Variants in ATP6V0D2 observed in about 807,000 individuals in gnomAD.
ATP6V0D2 encodes ATPase H+ transporting V0 subunit d2, also known as V-type proton ATPase subunit d 2.
A neutral mutation model predicts 40.0 loss-of-function variants in ATP6V0D2; 40 were observed. The ratio of observed to expected loss-of-function variants is 1.00; its 90% confidence interval spans 0.78 to 1.30. The LOEUF (loss-of-function observed/expected upper bound fraction) is 1.30. Ranked by LOEUF, ATP6V0D2 falls within the 50% of genes most tolerant of loss-of-function variation. ATP6V0D2 has a pLI of 0.00. For missense variants in ATP6V0D2, 470 were observed against 423.1 expected (o/e 1.11, Z -0.97); for synonymous variants, 179 against 156.3 (o/e 1.15, Z -1.08).
chr8:86,134,119 A>C (rs1818864888), intron 2 of ATP6V0D2, among the ~76,000 whole-genome samples: 1 of 152,184 alleles, frequency 6.6e-6, no homozygotes, highest in South Asian at 2.1e-4. Context: ...GAACCATAGC[A>C]GATTTCTCAT....
At chr8:86,143,238 T>TA (rs1241728116) in intron 5 of ATP6V0D2, among the ~76,000 whole-genome samples, 1 of 152,172 alleles carries the variant, frequency 6.6e-6, no homozygotes, top group African/African-American at 2.4e-5. Flanking sequence ...ATGTAGTATG[T>TA]AAAAAATAGA....
At chr8:86,143,072 A>G (rs997860324) in intron 5 of ATP6V0D2, 118 bp downstream of exon 5, 27 of 629,080 alleles carry the variant, frequency 4.3e-5, no homozygotes, top group Non-Finnish European at 6.8e-5. Context: ...AAGTAAGACA[A>G]GCAGTACATT....
chr8:86,148,046 CCTGGACTCTG>C (rs1461496380), intron 5 of ATP6V0D2, among the ~76,000 whole-genome samples: 1 of 152,220 alleles, frequency 6.6e-6, no homozygotes, highest in African/African-American at 2.4e-5. Context: ...CCTCTTCTGG[CCTGGACTCTG>C]CTGTTTGCCA....
intron 2 of ATP6V0D2, among the ~76,000 whole-genome samples, chr8:86,130,959 C>T (rs1275589132): frequency 1.3e-5 from 2 of 151,982 alleles, no homozygotes. Context: ...GAAATCTTAA[C>T]TCTCCCCTTC....
intron 2 of ATP6V0D2, among the ~76,000 whole-genome samples, chr8:86,122,945 A>G (rs1246184798): frequency 1.4e-4 from 21 of 152,172 alleles, no homozygotes; most frequent in Admixed American, 1.0e-3. Context: ...TAAGTCTCTA[A>G]ATAAAAGTCA....
intron 7 of ATP6V0D2, among the ~76,000 whole-genome samples, chr8:86,151,755 C>CTTTT (rs564476016): frequency 2.5e-4 from 21 of 85,490 alleles, no homozygotes; most frequent in South Asian, 4.5e-4. Context: ...GCTTTTCTTT[C>CTTTT]TTTTTTTTTT....
At chr8:86,150,400 T>G in intron 6 of ATP6V0D2, 112 bp downstream of exon 6, 1 of 1,105,640 alleles carries the variant, frequency 9.0e-7, no homozygotes, top group South Asian at 1.6e-5. Context: ...ATAATATTTG[T>G]AAGGTAGCAA....
At chr8:86,146,089 C>G (rs1416423001) in intron 5 of ATP6V0D2, among the ~76,000 whole-genome samples, 3 of 152,162 alleles carry the variant, frequency 2.0e-5, no homozygotes, top group Non-Finnish European at 4.4e-5. Context: ...TGCCATAGTG[C>G]CTCTGCATTA....
At chr8:86,121,713 A>G (rs1433496571) in intron 2 of ATP6V0D2, among the ~76,000 whole-genome samples, 4 of 150,758 alleles carry the variant, frequency 2.7e-5, no homozygotes, top group Non-Finnish European at 5.9e-5. Flanking sequence ...TTCTGAAACC[A>G]TTTCTCTTAT....
chr8:86,129,339 T>G (rs1818786740), intron 2 of ATP6V0D2, among the ~76,000 whole-genome samples: 1 of 152,210 alleles, frequency 6.6e-6, no homozygotes. Flanking sequence ...GTGAAGACAG[T>G]AATTGTCTAC....
At position 86,153,105 on chromosome 8, in the gene ATP6V0D2, C is replaced by A; in HGVS notation, c.*128C>A. The A allele has an allele frequency of 1.3e-6, 1 of 742,956 alleles. No individual in the cohort carries two copies. Among genetic ancestry groups the A allele is most frequent in the Non-Finnish European group, 2.0e-6 (1 of 503,242 alleles). The allele number at this position is 742,956 out of a possible 1,614,324, so 46.0% of individuals were successfully genotyped here. On this transcript the variant is annotated 3_prime_UTR_variant, in exon 8 of 8. Transcript: ENST00000285393. ...AGCCACACTATATCTTCATGAGTTG[C>A]AAATCCATGGAAACACAGTAAACCA...
chr8:86,117,794 C>T (rs16886358), intron 2 of ATP6V0D2, among the ~76,000 whole-genome samples: 2,040 of 152,230 alleles, frequency 0.013, 59 homozygotes, highest in African/African-American at 0.045. Context: ...GCCTTAGCAT[C>T]CGGGTCTGAA....
intron 2 of ATP6V0D2, among the ~76,000 whole-genome samples, chr8:86,128,321 C>T (rs1399569294): frequency 1.3e-5 from 2 of 152,134 alleles, no homozygotes; most frequent in African/African-American, 2.4e-5. Flanking sequence ...TGCACTCCGG[C>T]CTGGGCAACA....
In ATP6V0D2 at chr8:86,113,953, G is replaced by T. The variant is rs563935605; in HGVS notation, c.302+73G>T. ...ATGACCCCTAACAATTACAGGGTGG[G>T]TATCAAGCCAGAGTGAGACTTAAGA... On this transcript the variant is annotated intron_variant, in intron 2 of 7. Transcript: ENST00000285393. 1.4e-5 allele frequency: 20 copies of T among 1,389,074 alleles called. No individual in the cohort carries two copies. In the African/African-American group the frequency reaches 2.2e-4, roughly 15 times the overall value. 86.0% of individuals were successfully genotyped at this position (1,389,074 alleles called of 1,614,324 possible). A position where few individuals can be genotyped will look rare whatever the true frequency, so the allele number is the denominator to read the frequency against.
At chr8:86,144,373 T>A (rs1819018440) in intron 5 of ATP6V0D2, among the ~76,000 whole-genome samples, 1 of 152,218 alleles carries the variant, frequency 6.6e-6, no homozygotes, top group African/African-American at 2.4e-5. Flanking sequence ...AAATTTTATC[T>A]AAAGAATATT....
intron 6 of ATP6V0D2, among the ~76,000 whole-genome samples, chr8:86,150,925 G>C (rs1008526326): frequency 2.0e-5 from 3 of 152,134 alleles, no homozygotes; most frequent in African/African-American, 7.2e-5. Context: ...GGGCTAGAAT[G>C]ACACTCATCT....
At chr8:86,106,335 G>A (rs904384487) in intron 1 of ATP6V0D2, among the ~76,000 whole-genome samples, 2 of 152,026 alleles carry the variant, frequency 1.3e-5, no homozygotes, top group Non-Finnish European at 2.9e-5. Context: ...GTCTCACTTT[G>A]TTGCCCAGGC....
At chr8:86,129,348 ACTT>A (rs1420602110) in intron 2 of ATP6V0D2, among the ~76,000 whole-genome samples, 1 of 152,160 alleles carries the variant, frequency 6.6e-6, no homozygotes, top group African/African-American at 2.4e-5. Flanking sequence ...GTAATTGTCT[ACTT>A]CTTCTCACCC....
intron 1 of ATP6V0D2, 83 bp downstream of exon 1, chr8:86,099,191 G>A: frequency 2.1e-6 from 3 of 1,408,750 alleles, no homozygotes; most frequent in Non-Finnish European, 2.8e-6. Flanking sequence ...GAGAAAAAAA[G>A]CCCATAATCA....
Sources: gnomAD v4.1 joint callset for allele counts (sites outside exome capture counted in the v4.1 genomes callset) on GRCh38, gnomAD v4.1.1 for gene constraint, MANE v1.5 for transcripts, NCBI Gene and HGNC (gene_info 2026-07-23, HGNC 2026-07-21) for gene names.